The following GGT1 variants were observed in gnomAD, a reference collection of about 807,000 sequenced individuals.
GGT1 encodes gamma-glutamyltransferase 1.
GGT1 carries 21 observed loss-of-function variants against 56.0 expected under a neutral mutation model. The ratio of observed to expected loss-of-function variants is 0.38; its 90% CI spans 0.27 to 0.54. GGT1 has a LOEUF of 0.54. Among genes scored for constraint, GGT1 ranks in the 20% least tolerant of loss-of-function variants. The probability of loss-of-function intolerance (pLI) is 0.82; values close to 1 mark genes in which losing one functional copy is unlikely to be tolerated. For synonymous variants in GGT1, 238 were observed against 342.6 expected (o/e 0.69, Z 3.37); for missense variants, 466 against 787.0 (o/e 0.59, Z 4.88).
At chr22:24,586,794 G>A in the GGT1 span, among the ~76,000 whole-genome samples, 1 of 152,216 alleles carries the variant, frequency 6.6e-6, no homozygotes. Context: ...GCCTCCCAAA[G>A]TGCTGGGATT....
chr22:24,607,063 CTT>C (rs2046367368), intron 1 of GGT1, among the ~76,000 whole-genome samples: 1 of 152,160 alleles, frequency 6.6e-6, no homozygotes, highest in African/African-American at 2.4e-5. Flanking sequence ...CATGCAGTAA[CTT>C]GGGGCAGTTA....
In GGT1 at chr22:24,610,102, G is replaced by T. The variant is rs3876105; in HGVS notation, c.-290+69G>T. On this transcript the variant is annotated intron_variant, in intron 3 of 15. Coordinates refer to ENST00000400382, the MANE Select transcript of GGT1 (RefSeq NM_001288833.2). Reference sequence around the variant, plus strand: ...CCCCCTGAGCCCCCTTTGCCATGCTGACCACATGCACATCCTGGGCTTCTG... The same window carrying T: ...CCCCCTGAGCCCCCTTTGCCATGCTTACCACATGCACATCCTGGGCTTCTG... The T allele has an allele frequency of 4.2e-3, 1,701 of 401,536 alleles. 11 individuals are homozygous for T. The highest frequency in any genetic ancestry group is 0.014 in the Middle Eastern group (14 of 1,026). 24.9% of individuals were successfully genotyped at this position (401,536 alleles called of 1,614,324 possible).
the GGT1 span, among the ~76,000 whole-genome samples, chr22:24,587,154 T>C: frequency 6.6e-6 from 1 of 152,318 alleles, no homozygotes; most frequent in South Asian, 2.1e-4. Flanking sequence ...GTCGATTCTT[T>C]TAGGGTAGGG....
chr22:24,589,163 A>G, the GGT1 span: 1 of 1,163,106 alleles, frequency 8.6e-7, no homozygotes, highest in Non-Finnish European at 1.1e-6. Context: ...CACTGTGACT[A>G]GGAGTCTGGG....
At chr22:24,585,352 C>G in the GGT1 span, among the ~76,000 whole-genome samples, 1 of 152,304 alleles carries the variant, frequency 6.6e-6, no homozygotes, top group East Asian at 1.9e-4. Flanking sequence ...TCCTGGGGCT[C>G]CCGACCCGCT....
At chr22:24,599,326 C>G (rs925009914), upstream of GGT1, 1 of 129,788 alleles carries the variant, frequency 7.7e-6, no homozygotes, top group African/African-American at 3.0e-5. Context: ...TGGGAAGGAG[C>G]AAGAGGAAAG....
intron 1 of GGT1, among the ~76,000 whole-genome samples, chr22:24,605,447 ATGTGTATTATATATAATATAATAT>A (rs2046112799): frequency 2.6e-5 from 2 of 78,338 alleles, no homozygotes; most frequent in Non-Finnish European, 4.2e-5. Context: ...ACAATATATA[ATGTGTATTATATATAATATAATAT>A]TATATAATGT....
At chr22:24,592,748 G>A (rs542938970), upstream of GGT1, 1,002 of 1,279,842 alleles carry the variant, frequency 7.8e-4, 3 homozygotes, top group Non-Finnish European at 8.7e-4. Flanking sequence ...GACCAGCTCC[G>A]CCTCGCCTCC....
At position 24,609,972 on chromosome 22, in the gene GGT1, A is replaced by T. The variant is rs2046561082; in HGVS notation, c.-351A>T. The stretch of plus-strand genomic sequence containing the variant: ...TCACAACACTCCCAGCAGCAAGGCA[A>T]GTGAGGTGCTGCCGTCATCCAGGCT... On this transcript the variant is annotated 5_prime_UTR_variant, in exon 3 of 16. In the 5' UTR this introduces an upstream ATG that the reference lacks. Transcript: ENST00000400382. The T allele has an allele frequency of 2.1e-6, 1 of 465,648 alleles. No individual in the cohort carries two copies. Among genetic ancestry groups the T allele is most frequent in the Non-Finnish European group, 4.4e-6 (1 of 225,546 alleles). 28.8% of individuals were successfully genotyped at this position (465,648 alleles called of 1,614,324 possible).
rs777331942 is a variant in GGT1 at position 24,614,830 on chromosome 22, G to T, written c.219G>T (p.Leu73Phe). Reference sequence around the variant, plus strand: ...TGGATGCAGCCATTGCAGCCCTGTTGTGTGTGGGGCTCATGAATGCCCACA... The same window carrying T: ...TGGATGCAGCCATTGCAGCCCTGTTTTGTGTGGGGCTCATGAATGCCCACA... Reference protein sequence around the residue: ...SAVDAAIAALLCVGLMNAHSM... With the variant: ...SAVDAAIAALFCVGLMNAHSM... The change falls in exon 6 of 16, where the codon TTG becomes TTT. Residue 73 changes from leucine (L) to phenylalanine (F), a missense_variant. By Grantham distance (22) the Leu-to-Phe change is conservative. Around this residue, in one of 2 missense-constraint regions of GGT1, gnomAD observed 456 missense variants for 716.7 expected, o/e 0.64. Coordinates refer to ENST00000400382, the MANE Select transcript of GGT1 (RefSeq NM_001288833.2). 5.6e-6 allele frequency: 9 copies of T among 1,613,392 alleles called. No individual in the cohort carries two copies. The highest frequency in any genetic ancestry group is 7.6e-6 in the Non-Finnish European group (9 of 1,179,510).
intron 10 of GGT1, among the ~76,000 whole-genome samples, chr22:24,623,517 C>T (rs984056169): frequency 6.7e-6 from 1 of 150,082 alleles, no homozygotes; most frequent in Non-Finnish European, 1.5e-5. Context: ...CTCAGGGCTG[C>T]AGGGCCGGTC....
chr22:24,627,056 T>C (rs1340647131), intron 11 of GGT1: 6 of 420,758 alleles, frequency 1.4e-5, no homozygotes, highest in African/African-American at 2.1e-5. Context: ...TTCAGCACTT[T>C]CCCTGTGTGT....
At chr22:24,588,699 C>T in the GGT1 span, 7 of 1,090,328 alleles carry the variant, frequency 6.4e-6, no homozygotes, top group Non-Finnish European at 7.9e-6. Context: ...GGAGGCCAGA[C>T]CAGGCCCCTC....
intron 11 of GGT1, chr22:24,624,778 A>C: frequency 2.0e-6 from 1 of 510,062 alleles, no homozygotes; most frequent in Non-Finnish European, 2.5e-6. Flanking sequence ...TGCTCTAGAA[A>C]CTTCTATCTG....
the GGT1 span, chr22:24,586,375 C>T: frequency 6.2e-7 from 1 of 1,613,660 alleles, no homozygotes; most frequent in East Asian, 2.2e-5. Context: ...CCACAGTCTC[C>T]CCTGCCAGCA....
At chr22:24,605,327 ATT>A (rs1221941961) in intron 1 of GGT1, among the ~76,000 whole-genome samples, 4 of 59,722 alleles carry the variant, frequency 6.7e-5, no homozygotes, top group East Asian at 9.8e-4. Flanking sequence ...TGTATTATAT[ATT>A]ATATAATATG....
chr22:24,625,253 G>A (rs1462247261), intron 11 of GGT1, among the ~76,000 whole-genome samples: 1 of 152,144 alleles, frequency 6.6e-6, no homozygotes, highest in Non-Finnish European at 1.5e-5. Flanking sequence ...TTTACCTACA[G>A]TAGGCTCCCT....
chr22:24,589,354 T>G, the GGT1 span: 1 of 1,135,348 alleles, frequency 8.8e-7, no homozygotes, highest in Non-Finnish European at 1.1e-6. Context: ...GGGAAAGCAG[T>G]GAGCACCCGT....
At chr22:24,598,853 A>G (rs1044752810), upstream of GGT1, among the ~76,000 whole-genome samples, 7 of 152,046 alleles carry the variant, frequency 4.6e-5, no homozygotes, top group South Asian at 1.2e-3. Flanking sequence ...GCACCTGGCC[A>G]TGGATGAGTT....
Sources: gnomAD v4.1 joint callset for allele counts (sites outside exome capture counted in the v4.1 genomes callset) on GRCh38, gnomAD v4.1.1 for gene constraint, gnomAD v4.1.1 regional missense constraint, MANE v1.5 for transcripts, NCBI Gene and HGNC (gene_info 2026-07-23, HGNC 2026-07-21) for gene names.